ANKRD62: variants seen among roughly 807,000 people sequenced by gnomAD.
The protein encoded by ANKRD62 is ankyrin repeat domain-containing protein 62.
Under a neutral mutation model 98.8 loss-of-function variants are expected in ANKRD62, and 61 were observed. The ratio of observed to expected loss-of-function variants is 0.62; its 90% CI spans 0.50 to 0.76. ANKRD62 has a LOEUF of 0.76. Ranked by LOEUF, ANKRD62 falls within the 30% of genes least tolerant of loss-of-function variation. The pLI is 0.00. For synonymous variants in ANKRD62, 341 were observed against 367.9 expected, an observed-to-expected ratio of 0.93 and a Z score of 0.84; for missense variants, 933 against 1,082.9, an observed-to-expected ratio of 0.86 and a Z score of 1.94.
chr18:12,156,476 A>G, the ANKRD62 span, among the ~76,000 whole-genome samples: 128,333 of 151,918 alleles, frequency 0.84, 54,643 homozygotes, highest in Middle Eastern at 0.97. Context: ...TCTATGGATT[A>G]GATCCACTAC....
the ANKRD62 span, among the ~76,000 whole-genome samples, chr18:12,172,592 C>T: frequency 6.6e-6 from 1 of 152,232 alleles, no homozygotes; most frequent in African/African-American, 2.4e-5. Flanking sequence ...CTTGAGGAGG[C>T]AGTCTGTCCG....
chr18:12,125,790 C>G lies in ANKRD62; in HGVS notation c.1969C>G (p.Arg657Gly). The G allele has an allele frequency of 6.5e-7, 1 of 1,549,330 alleles. No homozygotes were observed. Among genetic ancestry groups the G allele is most frequent in the Non-Finnish European group, 8.7e-7 (1 of 1,147,088 alleles). ...SRLETEMESY[R>G]CRLAAALCDH... ...ACTGGAAACAGAAATGGAATCATAC[C>G]GTTGTAGACTGGCTGCTGCCCTATG... Residue 657 changes from arginine to glycine, a missense_variant, in exon 13 of 14, where the codon CGT becomes GGT. Transcript: ENST00000587848.
chr18:12,178,408 CG>C, the ANKRD62 span, among the ~76,000 whole-genome samples: 1 of 144,308 alleles, frequency 6.9e-6, no homozygotes, highest in African/African-American at 2.7e-5. Context: ...CTAAGATCAA[CG>C]GGAAACCATT....
chr18:12,114,485 T>C (rs1020802445), intron 8 of ANKRD62, among the ~76,000 whole-genome samples: 1 of 152,252 alleles, frequency 6.6e-6, no homozygotes, highest in Non-Finnish European at 1.5e-5. Context: ...AGTCTGCTAT[T>C]GAACAGTTTT....
the ANKRD62 span, among the ~76,000 whole-genome samples, chr18:12,153,571 G>A: frequency 6.9e-6 from 1 of 144,582 alleles, no homozygotes; most frequent in Admixed American, 7.0e-5. Flanking sequence ...CAGCCTGGGT[G>A]ACAGAGCGAG....
the ANKRD62 span, among the ~76,000 whole-genome samples, chr18:12,150,317 A>G: frequency 6.6e-6 from 1 of 152,236 alleles, no homozygotes; most frequent in Non-Finnish European, 1.5e-5. Flanking sequence ...AAAGAGGCCA[A>G]GTCTATTTAT....
chr18:12,115,007 T>C, intron 8 of ANKRD62, 81 bp from the exon 9 acceptor site: 1 of 1,082,192 alleles, frequency 9.2e-7, no homozygotes. Context: ...ACAGAGATTT[T>C]ATATAAAAAA....
rs1598737428 is a variant in ANKRD62, at chr18:12,122,285, G to A, written c.1241-18G>A. 3.3e-6 allele frequency: 5 copies of A among 1,520,640 alleles called. No individual in the cohort carries two copies. Among genetic ancestry groups the A allele is most frequent in the East Asian group, 2.5e-5 (1 of 40,708 alleles). 94.2% of individuals were successfully genotyped at this position (1,520,640 alleles called of 1,614,324 possible). On this transcript the variant is annotated intron_variant, in intron 10 of 13. Transcript: ENST00000587848. The stretch of plus-strand genomic sequence containing the variant: ...TACTCATGTATTTTATCTCTATTTT[G>A]TCTTCTCCTGGTAACAGATTTTGTT...
At chr18:12,137,637 T>G in the ANKRD62 span, among the ~76,000 whole-genome samples, 27 of 152,242 alleles carry the variant, frequency 1.8e-4, no homozygotes, top group Non-Finnish European at 8.8e-5. Flanking sequence ...CAGCTCCTCC[T>G]TGTACCTCTG....
chr18:12,145,127 G>C, the ANKRD62 span, among the ~76,000 whole-genome samples: 1 of 96,180 alleles, frequency 1.0e-5, no homozygotes, highest in South Asian at 4.1e-4. Context: ...CAGCTGTGTC[G>C]TGCTGTGCTG....
At chr18:12,117,943 A>AT (rs1909700245) in intron 10 of ANKRD62, among the ~76,000 whole-genome samples, 1 of 152,180 alleles carries the variant, frequency 6.6e-6, no homozygotes, top group Non-Finnish European at 1.5e-5. Context: ...TCACAGCAAA[A>AT]TTGAGAGGAA....
At chr18:12,111,116 G>A (rs1909528421) in intron 8 of ANKRD62, among the ~76,000 whole-genome samples, 2 of 151,968 alleles carry the variant, frequency 1.3e-5, no homozygotes, top group Non-Finnish European at 2.9e-5. Flanking sequence ...AGACGTGGTG[G>A]CACACACCTG....
At chr18:12,145,896 G>A in the ANKRD62 span, among the ~76,000 whole-genome samples, 11 of 152,178 alleles carry the variant, frequency 7.2e-5, no homozygotes, top group Middle Eastern at 3.4e-3. Context: ...TTTCTTAAGC[G>A]TGTCCTGGAT....
rs542498206 is a variant in ANKRD62, at chr18:12,113,710, T to C, written c.1065-1378T>C. On this transcript the variant is annotated intron_variant, in intron 8 of 13. Coordinates refer to ENST00000587848, the MANE Select transcript of ANKRD62 (RefSeq NM_001277333.2). ...TATACGCTGTTGGTGGGAGTGTATA[T>C]TATTAGTTCAGCCATTGTGGAAAAC... Among the ~76,000 whole-genome samples, 14 of 152,318 alleles carry C rather than the reference T, an allele frequency of 9.2e-5. No homozygotes were observed. In the South Asian group the frequency reaches 2.9e-3, roughly 32 times the overall value.
At chr18:12,133,172 T>C (rs549155024), downstream of ANKRD62, among the ~76,000 whole-genome samples, 23 of 151,752 alleles carry the variant, frequency 1.5e-4, no homozygotes, top group Middle Eastern at 3.4e-3. Context: ...TCATAAAACA[T>C]TGGCTTTTTG....
rs138559931 is a variant in ANKRD62, at chr18:12,095,139, C to T, written c.219-32C>T. The T allele has an allele frequency of 5.3e-4, 791 of 1,494,126 alleles. 4 individuals are homozygous for T. In the African/African-American group the frequency reaches 9.6e-3, roughly 18 times the overall value. 92.6% of individuals were successfully genotyped at this position (1,494,126 alleles called of 1,614,324 possible). A position where few individuals can be genotyped will look rare whatever the true frequency, so the allele number is the denominator to read the frequency against. ...TTGTATGTTTTGGGACTGTGCACTA[C>T]AATTGCCTAAAGCGACCTCTCATTC... On this transcript the variant is annotated intron_variant, in intron 1 of 13. Coordinates refer to ENST00000587848, the MANE Select transcript of ANKRD62 (RefSeq NM_001277333.2).
intron 9 of ANKRD62, 33 bp from the exon 10 acceptor site, chr18:12,115,360 G>A (rs1480995249): frequency 4.0e-6 from 6 of 1,505,102 alleles, no homozygotes; most frequent in Non-Finnish European, 5.3e-6. Flanking sequence ...AATATTTCGA[G>A]GGCATTTTGA....
At chr18:12,174,693 C>T in the ANKRD62 span, among the ~76,000 whole-genome samples, 1 of 152,146 alleles carries the variant, frequency 6.6e-6, no homozygotes, top group African/African-American at 2.4e-5. Context: ...TAGTTGATGA[C>T]CTTAAGGGTT....
chr18:12,165,113 CT>C, the ANKRD62 span, among the ~76,000 whole-genome samples: 13 of 151,524 alleles, frequency 8.6e-5, no homozygotes, highest in African/African-American at 3.1e-4. Flanking sequence ...TTTTGGTTTC[CT>C]TTGCCATGGA....
Sources: allele counts gnomAD v4.1 joint callset (sites outside exome capture counted in the v4.1 genomes callset), GRCh38; gene constraint gnomAD v4.1.1; transcripts MANE v1.5; gene names NCBI Gene and HGNC (gene_info 2026-07-23, HGNC 2026-07-21).